The following STIM1 variants were observed in gnomAD, a reference collection of about 807,000 sequenced individuals.
STIM1 encodes the protein stromal interaction molecule 1.
Under a neutral mutation model 74.7 loss-of-function variants are expected in STIM1, and 25 were observed. The observed-to-expected ratio is 0.33, with a 90% CI of 0.24 to 0.47. STIM1 has a LOEUF of 0.47. STIM1 is among the 20% of genes least tolerant of loss of function. STIM1 has a pLI of 1.00. For missense variants in STIM1, 728 were observed against 920.8 expected (o/e 0.79, Z 2.71); for synonymous variants, 328 against 348.8 (o/e 0.94, Z 0.66).
Position 4,011,645 on chromosome 11 carries a change from T to G in STIM1, c.271-12228T>G, listed in dbSNP as rs561853072. ...TATTAGCCCTTTGTCAGATGGATAG[T>G]GCAAAAATTTTCTCCCATTCTATAG... On this transcript the variant is annotated intron_variant, in intron 2 of 12. Coordinates refer to ENST00000526596, the MANE Select transcript of STIM1 (RefSeq NM_001382567.1). Among the ~76,000 whole-genome samples, 4 of 152,240 alleles carry G rather than the reference T, an allele frequency of 2.6e-5. No homozygotes were observed. In the East Asian group the frequency reaches 7.7e-4, roughly 29 times the overall value.
intron 1 of STIM1, among the ~76,000 whole-genome samples, chr11:3,917,910 A>G (rs1479357961): frequency 6.6e-6 from 1 of 152,194 alleles, no homozygotes; most frequent in Non-Finnish European, 1.5e-5. Context: ...TACTGACTAG[A>G]TAGTTGATTT....
intron 3 of STIM1, among the ~76,000 whole-genome samples, chr11:4,036,026 CT>C (rs1188867432): frequency 6.6e-6 from 1 of 152,086 alleles, no homozygotes; most frequent in African/African-American, 2.4e-5. Flanking sequence ...TCCCACTCCC[CT>C]GACAATGTAT....
At chr11:3,941,062 T>A (rs2092998707) in intron 1 of STIM1, among the ~76,000 whole-genome samples, 1 of 152,168 alleles carries the variant, frequency 6.6e-6, no homozygotes, top group Admixed American at 6.5e-5. Flanking sequence ...CTCATAGGGT[T>A]GTTGTGAGGA....
At chr11:3,933,378 A>G (rs1177363224) in intron 1 of STIM1, among the ~76,000 whole-genome samples, 1 of 152,218 alleles carries the variant, frequency 6.6e-6, no homozygotes, top group Non-Finnish European at 1.5e-5. Context: ...GTAATGCTCT[A>G]AAGTAAGTAC....
chr11:4,038,038 CTT>C (rs538655034), intron 3 of STIM1, among the ~76,000 whole-genome samples: 15 of 141,066 alleles, frequency 1.1e-4, no homozygotes, highest in Admixed American at 2.2e-4. Flanking sequence ...TCATCACAGT[CTT>C]TTTTTTTTTT....
chr11:3,872,523 CTTT>C (rs574634847), intron 1 of STIM1, among the ~76,000 whole-genome samples: 8 of 129,334 alleles, frequency 6.2e-5, no homozygotes, highest in Non-Finnish European at 8.2e-5. Context: ...TTCTTTTTTT[CTTT>C]TTTTTTTTTT....
At chr11:3,900,431 G>T (rs1478718988) in intron 1 of STIM1, among the ~76,000 whole-genome samples, 2 of 152,152 alleles carry the variant, frequency 1.3e-5, no homozygotes, top group Non-Finnish European at 2.9e-5. Context: ...TGCACGGTGC[G>T]CCGCACCCAC....
At chr11:3,993,773 A>G (rs1006613462) in intron 2 of STIM1, among the ~76,000 whole-genome samples, 5 of 152,136 alleles carry the variant, frequency 3.3e-5, no homozygotes, top group African/African-American at 1.2e-4. Context: ...CTGCACCTCT[A>G]CTCCATTCCT....
chr11:4,086,653 T>A, intron 12 of STIM1, 110 bp downstream of exon 12: 1 of 1,556,088 alleles, frequency 6.4e-7, no homozygotes, highest in Non-Finnish European at 8.7e-7. Context: ...CGGGACCAGC[T>A]CTCCATCTGC....
intron 11 of STIM1, 42 bp from the exon 12 acceptor site, chr11:4,086,419 TACCTGCCAGCCCAAAG>T: frequency 6.3e-7 from 1 of 1,598,208 alleles, no homozygotes. Flanking sequence ...GGCACCTCCT[TACCTGCCAGCCCAAAG>T]TGGGCTGGCC....
At chr11:3,950,514 G>T (rs1157104428) in intron 1 of STIM1, among the ~76,000 whole-genome samples, 1 of 152,082 alleles carries the variant, frequency 6.6e-6, no homozygotes, top group East Asian at 1.9e-4. Flanking sequence ...AGAATATATG[G>T]GCTGCTTCCA....
Position 3,967,537 on chromosome 11 carries a change from G to C in STIM1, c.140-15G>C, listed in dbSNP as rs202069849. 130 of 1,614,094 alleles carry C rather than the reference G, an allele frequency of 8.1e-5. 2 individuals carry two copies. In the South Asian group the frequency reaches 1.4e-3, roughly 17 times the overall value. On this transcript the variant is annotated splice_polypyrimidine_tract_variant and intron_variant, in intron 1 of 12. Coordinates refer to ENST00000526596, the MANE Select transcript of STIM1 (RefSeq NM_001382567.1). ...GCAGCTCTGAGTAATTTTGTCTCTT[G>C]CTTTTCTTACACAGAGTTTTGCCGA...
chr11:4,083,566 C>A, intron 10 of STIM1, 68 bp downstream of exon 10: 1 of 1,478,684 alleles, frequency 6.8e-7, no homozygotes, highest in East Asian at 2.4e-5. Flanking sequence ...TCTGTGGCCT[C>A]TGTTGTGCTT....
intron 1 of STIM1, among the ~76,000 whole-genome samples, chr11:3,880,929 A>C (rs2091474917): frequency 6.6e-6 from 1 of 152,130 alleles, no homozygotes. Flanking sequence ...AAATGACTAG[A>C]AAATCTGACC....
intron 2 of STIM1, among the ~76,000 whole-genome samples, chr11:4,000,233 T>C (rs1443614492): frequency 9.8e-6 from 1 of 102,406 alleles, no homozygotes; most frequent in African/African-American, 3.1e-5. Flanking sequence ...AAGAGAGCAG[T>C]GGTTCTCCCA....
intron 1 of STIM1, among the ~76,000 whole-genome samples, chr11:3,935,105 C>CA (rs1227933016): frequency 2.6e-5 from 4 of 152,252 alleles, no homozygotes; most frequent in Admixed American, 6.5e-5. Context: ...GCATCTAAGA[C>CA]AAAATCAATT....
chr11:3,860,450 C>T (rs2090552686), intron 1 of STIM1, among the ~76,000 whole-genome samples: 1 of 152,208 alleles, frequency 6.6e-6, no homozygotes, highest in African/African-American at 2.4e-5. Flanking sequence ...CTCTCTACCT[C>T]TACTTTAGCC....
intron 1 of STIM1, among the ~76,000 whole-genome samples, chr11:3,866,930 G>C (rs774201727): frequency 6.6e-6 from 1 of 152,302 alleles, no homozygotes; most frequent in East Asian, 1.9e-4. Flanking sequence ...AAGGGCAAGA[G>C]CCATGTCTGG....
intron 1 of STIM1, chr11:3,892,384 C>T: frequency 7.1e-7 from 1 of 1,406,586 alleles, no homozygotes; most frequent in South Asian, 1.2e-5. Context: ...AAACACAAGT[C>T]AAACTTATTA....
Sources: allele counts gnomAD v4.1 joint callset (sites outside exome capture counted in the v4.1 genomes callset), GRCh38; gene constraint gnomAD v4.1.1; transcripts MANE v1.5; gene names NCBI Gene and HGNC (gene_info 2026-07-23, HGNC 2026-07-21).